Variants in FNDC3B observed in about 807,000 individuals in gnomAD.
FNDC3B encodes fibronectin type III domain-containing protein 3B.
FNDC3B carries 12 observed loss-of-function variants against 151.5 expected under a neutral mutation model. That is an observed-to-expected ratio of 0.08 (90% confidence interval 0.05 to 0.13). The LOEUF is 0.13. Ranked by LOEUF, FNDC3B falls within the 10% of genes least tolerant of loss-of-function variation. The pLI is 1.00. For missense variants in FNDC3B, 1,214 were observed against 1,505.3 expected (o/e 0.81, Z 3.20); for synonymous variants, 528 against 549.0 (o/e 0.96, Z 0.54).
At chr3:172,214,084 C>CTT (rs1725859076) in intron 3 of FNDC3B, among the ~76,000 whole-genome samples, 1 of 152,166 alleles carries the variant, frequency 6.6e-6, no homozygotes, top group African/African-American at 2.4e-5. Flanking sequence ...AAATAGCAGT[C>CTT]TAGGTGACCA....
At position 172,330,683 on chromosome 3, in the gene FNDC3B, A is replaced by G. The variant is rs1347387078; in HGVS notation, c.1522A>G (p.Thr508Ala). 3 of 1,613,692 alleles carry G rather than the reference A, an allele frequency of 1.9e-6. No homozygotes were observed. Among genetic ancestry groups the G allele is most frequent in the South Asian group, 2.2e-5 (2 of 90,964 alleles). Reference sequence around the variant, plus strand: ...AGGCTGTTCACCCGAGGAAGTGATCACCTACACCTTGGAAATTCAGGAGGA... The same window carrying G: ...AGGCTGTTCACCCGAGGAAGTGATCGCCTACACCTTGGAAATTCAGGAGGA... The part of the protein sequence containing the change: ...PEGCSPEEVI[T>A]YTLEIQEDEN... Residue 508 changes from threonine (T) to alanine (A), a missense_variant, in exon 13 of 26, where the codon ACC (threonine) becomes GCC (alanine). Physicochemically the swap from Thr to Ala is moderately conservative, Grantham distance 58. This residue lies in a region of FNDC3B where 111 missense variants were observed against 96.8 expected (regional missense o/e 1.15). Transcript: ENST00000415807.
chr3:172,182,702 C>T (rs57866420), intron 3 of FNDC3B, among the ~76,000 whole-genome samples: 1 of 152,040 alleles, frequency 6.6e-6, no homozygotes, highest in African/African-American at 2.4e-5. Context: ...TGAATGTATC[C>T]TCCATGTTTT....
intron 9 of FNDC3B, among the ~76,000 whole-genome samples, chr3:172,304,753 C>T (rs1187947873): frequency 6.6e-6 from 1 of 152,148 alleles, no homozygotes; most frequent in Non-Finnish European, 1.5e-5. Context: ...AAAAATCAGT[C>T]AGGCATGATG....
intron 25 of FNDC3B, among the ~76,000 whole-genome samples, chr3:172,387,981 C>T (rs1485051114): frequency 6.6e-6 from 1 of 152,238 alleles, no homozygotes; most frequent in Non-Finnish European, 1.5e-5. Context: ...GACACGGCGA[C>T]AAGTCTCCCT....
intron 7 of FNDC3B, among the ~76,000 whole-genome samples, chr3:172,294,656 C>G (rs1044335243): frequency 9.2e-5 from 14 of 152,334 alleles, no homozygotes; most frequent in Non-Finnish European, 1.6e-4. Context: ...TATCAATAAA[C>G]AGGTTACAGC....
chr3:172,321,138 T>C (rs1481458358), intron 11 of FNDC3B, among the ~76,000 whole-genome samples: 1 of 152,240 alleles, frequency 6.6e-6, no homozygotes, highest in Non-Finnish European at 1.5e-5. Context: ...GGTGGAAAGC[T>C]GGTTACATGA....
chr3:172,326,514 A>T (rs1227623034), intron 11 of FNDC3B, among the ~76,000 whole-genome samples: 1 of 152,066 alleles, frequency 6.6e-6, no homozygotes, highest in Non-Finnish European at 1.5e-5. Flanking sequence ...TCCAAGATTT[A>T]TGTTTTGTTT....
chr3:172,234,207 ACT>A (rs1171223778), intron 4 of FNDC3B, among the ~76,000 whole-genome samples: 2 of 151,796 alleles, frequency 1.3e-5, no homozygotes, highest in Admixed American at 1.3e-4. Context: ...TCTACATCCA[ACT>A]CTCTGTGTGA....
chr3:172,305,316 T>C (rs1293106702), intron 9 of FNDC3B, among the ~76,000 whole-genome samples: 1 of 152,252 alleles, frequency 6.6e-6, no homozygotes, highest in Non-Finnish European at 1.5e-5. Flanking sequence ...TGTGTGAATA[T>C]GTGGTTTGGT....
At chr3:172,176,476 C>G (rs1411985075) in intron 3 of FNDC3B, among the ~76,000 whole-genome samples, 1 of 152,088 alleles carries the variant, frequency 6.6e-6, no homozygotes, top group Non-Finnish European at 1.5e-5. Flanking sequence ...CTTGCCATAG[C>G]CAAATAAAAA....
At chr3:172,241,381 C>T (rs924768777) in intron 4 of FNDC3B, among the ~76,000 whole-genome samples, 2 of 152,188 alleles carry the variant, frequency 1.3e-5, no homozygotes, top group African/African-American at 4.8e-5. Context: ...AGGCTTCTCA[C>T]CTTGGCTTGT....
rs1553802541 is a variant in FNDC3B, at chr3:172,400,924, A to ACT, written c.*3449_*3450insCT. ...AGGCACTCGCCACCATGCCCGGATA[A>ACT]TTTTTTTTTTTTTTTTGAGTTGGAG... On this transcript the variant is annotated 3_prime_UTR_variant, in exon 26 of 26. Transcript: ENST00000415807. 17 of 115,698 alleles carry ACT rather than the reference A, an allele frequency of 1.5e-4. No individual in the cohort carries two copies. Among genetic ancestry groups the ACT allele is most frequent in the Non-Finnish European group, 2.4e-4 (14 of 57,634 alleles). 7.2% of individuals were successfully genotyped at this position (115,698 alleles called of 1,614,324 possible).
At chr3:172,378,216 T>C in intron 23 of FNDC3B, 54 bp from the exon 24 acceptor site, 1 of 1,465,718 alleles carries the variant, frequency 6.8e-7, no homozygotes, top group Non-Finnish European at 9.2e-7. Context: ...CATAATTAAT[T>C]TCTTGTCATT....
chr3:172,215,935 A>T (rs1279270033), intron 3 of FNDC3B, among the ~76,000 whole-genome samples: 3 of 152,268 alleles, frequency 2.0e-5, no homozygotes, highest in African/African-American at 7.2e-5. Flanking sequence ...TGTCTAGAGG[A>T]TACCACTAGG....
intron 3 of FNDC3B, among the ~76,000 whole-genome samples, chr3:172,143,939 A>G (rs1021550339): frequency 6.7e-5 from 10 of 149,750 alleles, no homozygotes; most frequent in African/African-American, 2.3e-4. Flanking sequence ...AAATAAATAA[A>G]TAAATAAATA....
intron 23 of FNDC3B, among the ~76,000 whole-genome samples, chr3:172,367,929 A>G (rs981170751): frequency 3.3e-5 from 5 of 152,118 alleles, no homozygotes; most frequent in Non-Finnish European, 5.9e-5. Context: ...TGCCCGGGAC[A>G]CTTTTCCTTT....
chr3:172,289,290 T>C (rs1730191257), intron 7 of FNDC3B, among the ~76,000 whole-genome samples: 1 of 152,206 alleles, frequency 6.6e-6, no homozygotes, highest in Non-Finnish European at 1.5e-5. Flanking sequence ...TCTCTCACTG[T>C]CCTGCCTCCC....
intron 3 of FNDC3B, among the ~76,000 whole-genome samples, chr3:172,205,484 G>A (rs1186167630): frequency 6.6e-6 from 1 of 152,174 alleles, no homozygotes; most frequent in Admixed American, 6.5e-5. Flanking sequence ...TACAGGTGAG[G>A]AAACCAAGGC....
intron 3 of FNDC3B, among the ~76,000 whole-genome samples, chr3:172,180,295 G>A (rs1460460594): frequency 6.6e-6 from 1 of 152,156 alleles, no homozygotes; most frequent in South Asian, 2.1e-4. Flanking sequence ...GACCTGTTGA[G>A]GGGGAGTCTC....
Sources: gnomAD v4.1 joint callset for allele counts (sites outside exome capture counted in the v4.1 genomes callset) on GRCh38, gnomAD v4.1.1 for gene constraint, gnomAD v4.1.1 regional missense constraint, MANE v1.5 for transcripts, NCBI Gene and HGNC (gene_info 2026-07-23, HGNC 2026-07-21) for gene names.